The following NKAIN2 variants were observed in gnomAD, a reference collection of about 807,000 sequenced individuals.
NKAIN2 encodes sodium/potassium transporting ATPase interacting 2, also known as sodium/potassium-transporting ATPase subunit beta-1-interacting protein 2.
NKAIN2 carries 14 observed loss-of-function variants against 32.6 expected under a neutral mutation model. The ratio of observed to expected loss-of-function variants is 0.43; its 90% CI spans 0.28 to 0.67. The LOEUF is 0.67. Among genes scored for constraint, NKAIN2 ranks in the 30% least tolerant of loss-of-function variants. The pLI is 0.17. For synonymous variants in NKAIN2, 80 were observed against 87.2 expected (o/e 0.92, Z 0.46); for missense variants, 198 against 258.3 (o/e 0.77, Z 1.60).
intron 1 of NKAIN2, among the ~76,000 whole-genome samples, chr6:124,039,740 T>A (rs1325335115): frequency 1.3e-5 from 2 of 151,946 alleles, no homozygotes; most frequent in Non-Finnish European, 2.9e-5. Flanking sequence ...TTTTTATTGT[T>A]TATCTTAGGC....
At chr6:123,961,623 G>T (rs774677587) in intron 1 of NKAIN2, among the ~76,000 whole-genome samples, 6 of 152,112 alleles carry the variant, frequency 3.9e-5, no homozygotes, top group Admixed American at 2.0e-4. Flanking sequence ...TGTGGCTAAG[G>T]TTGTATTGGA....
At chr6:124,803,182 C>T (rs1780345246) in intron 5 of NKAIN2, among the ~76,000 whole-genome samples, 2 of 152,206 alleles carry the variant, frequency 1.3e-5, no homozygotes, top group South Asian at 2.1e-4. Flanking sequence ...AAACCAAGTA[C>T]TGATACCTGA....
intron 1 of NKAIN2, among the ~76,000 whole-genome samples, chr6:123,815,565 A>G (rs1773658261): frequency 6.6e-6 from 1 of 152,094 alleles, no homozygotes; most frequent in African/African-American, 2.4e-5. Flanking sequence ...CAAATCTGAA[A>G]AAAGCTACTA....
intron 4 of NKAIN2, among the ~76,000 whole-genome samples, chr6:124,725,879 G>T (rs1776266453): frequency 1.3e-5 from 2 of 152,238 alleles, no homozygotes; most frequent in Admixed American, 1.3e-4. Context: ...GCAGGGCGAG[G>T]CATTGCCTCA....
At chr6:124,635,269 C>A (rs1436143900) in intron 3 of NKAIN2, among the ~76,000 whole-genome samples, 1 of 151,832 alleles carries the variant, frequency 6.6e-6, no homozygotes, top group Non-Finnish European at 1.5e-5. Context: ...AGGATAATAT[C>A]TATCATTATG....
chr6:124,616,317 C>A (rs1782885435), intron 3 of NKAIN2, among the ~76,000 whole-genome samples: 1 of 151,784 alleles, frequency 6.6e-6, no homozygotes, highest in African/African-American at 2.4e-5. Flanking sequence ...GTTGGTCTGG[C>A]AGTAGCTCAC....
chr6:124,231,862 C>CAT (rs34160856), intron 1 of NKAIN2, among the ~76,000 whole-genome samples: 85,546 of 150,288 alleles, frequency 0.57, 26,824 homozygotes, highest in South Asian at 0.72. Flanking sequence ...TATAAATATA[C>CAT]ATATATATAT....
At chr6:123,971,655 CA>C (rs1393963485) in intron 1 of NKAIN2, among the ~76,000 whole-genome samples, 1 of 152,118 alleles carries the variant, frequency 6.6e-6, no homozygotes, top group Non-Finnish European at 1.5e-5. Context: ...CTGTGTTACA[CA>C]GCCATTGGAT....
At chr6:124,156,324 G>A (rs1455681332) in intron 1 of NKAIN2, among the ~76,000 whole-genome samples, 1 of 152,134 alleles carries the variant, frequency 6.6e-6, no homozygotes, top group African/African-American at 2.4e-5. Flanking sequence ...TCACGCATGT[G>A]TAGATATTTA....
chr6:124,602,458 A>T (rs776356248), intron 3 of NKAIN2, among the ~76,000 whole-genome samples: 1 of 151,948 alleles, frequency 6.6e-6, no homozygotes, highest in Non-Finnish European at 1.5e-5. Flanking sequence ...ATCTGTTATA[A>T]ATCATGTTTG....
chr6:123,820,115 A>T (rs187280200), intron 1 of NKAIN2, among the ~76,000 whole-genome samples: 13 of 152,332 alleles, frequency 8.5e-5, no homozygotes, highest in Non-Finnish European at 1.6e-4. Flanking sequence ...GCAGTACTGC[A>T]TTCAAAATAA....
rs9482528 is a variant in NKAIN2 at position 124,300,223 on chromosome 6, A to G, written c.192+17081A>G. Among the ~76,000 whole-genome samples, 1,431 of 152,260 alleles carry G rather than the reference A, an allele frequency of 9.4e-3. 16 individuals are homozygous for G. Among genetic ancestry groups the G allele is most frequent in the African/African-American group, 0.032 (1,311 of 41,540 alleles). On this transcript the variant is annotated intron_variant, in intron 2 of 6. Transcript: ENST00000368417. The stretch of plus-strand genomic sequence containing the variant: ...TTGAATCATGGAGGTCATTTCCCCT[A>G]TACTGTCCTCATAGTAGTGAATAAG...
intron 1 of NKAIN2, among the ~76,000 whole-genome samples, chr6:124,250,225 C>T (rs1418780728): frequency 6.6e-6 from 1 of 152,072 alleles, no homozygotes; most frequent in South Asian, 2.1e-4. Flanking sequence ...CAGGGATTTT[C>T]CTGCCTCCCA....
rs575955787 is a variant in NKAIN2 at position 124,367,229 on chromosome 6, T to C, written c.273+11882T>C. On this transcript the variant is annotated intron_variant, in intron 3 of 6. Coordinates refer to ENST00000368417, the MANE Select transcript of NKAIN2 (RefSeq NM_001040214.3). Reference sequence around the variant, plus strand: ...ATAAGTTGTTCTTATCAATATATTCTAATTATATGTTTCCTTAACTATCTG... The same window carrying C: ...ATAAGTTGTTCTTATCAATATATTCCAATTATATGTTTCCTTAACTATCTG... 3.3e-5 allele frequency among the ~76,000 whole-genome samples: 5 copies of C among 150,808 alleles called. No homozygotes were observed. In the East Asian group the frequency reaches 7.7e-4, roughly 23 times the overall value.
chr6:124,773,351 G>A (rs946921645), intron 4 of NKAIN2, among the ~76,000 whole-genome samples: 3 of 152,078 alleles, frequency 2.0e-5, no homozygotes, highest in African/African-American at 7.2e-5. Flanking sequence ...GTCACTGGAA[G>A]CCTTTTTAAG....
In NKAIN2 at chr6:123,896,025, C is replaced by T. The variant is rs538518356; in HGVS notation, c.54+91771C>T. On this transcript the variant is annotated intron_variant, in intron 1 of 6. Transcript: ENST00000368417. ...TGTGTGTTACATGAGTGGTTCATTT[C>T]GCCTGATGTTCTATTACATTTGCAG... 7.2e-5 allele frequency among the ~76,000 whole-genome samples: 11 copies of T among 152,274 alleles called. No homozygotes were observed. In the East Asian group the frequency reaches 9.7e-4, roughly 13 times the overall value.
At chr6:124,740,879 T>G (rs1417983670) in intron 4 of NKAIN2, among the ~76,000 whole-genome samples, 5 of 151,906 alleles carry the variant, frequency 3.3e-5, no homozygotes, top group Admixed American at 1.3e-4. Flanking sequence ...TTTGAGCTAT[T>G]GTGCAAAGAA....
At chr6:124,758,303 G>A (rs1332130968) in intron 4 of NKAIN2, among the ~76,000 whole-genome samples, 1 of 152,044 alleles carries the variant, frequency 6.6e-6, no homozygotes, top group Non-Finnish European at 1.5e-5. Flanking sequence ...AGTGTGGTTA[G>A]GAGGTGGGGC....
chr6:124,410,767 C>T (rs1213986130), intron 3 of NKAIN2, among the ~76,000 whole-genome samples: 3 of 152,006 alleles, frequency 2.0e-5, no homozygotes, highest in Non-Finnish European at 2.9e-5. Context: ...CTTTCTGTCT[C>T]GATCTGTCTA....
Sources: gnomAD v4.1 joint callset for allele counts (sites outside exome capture counted in the v4.1 genomes callset) on GRCh38, gnomAD v4.1.1 for gene constraint, MANE v1.5 for transcripts, NCBI Gene and HGNC (gene_info 2026-07-23, HGNC 2026-07-21) for gene names.